MIIP: variants seen among roughly 807,000 people sequenced by gnomAD.
The protein encoded by MIIP is migration and invasion inhibitory protein.
A neutral mutation model predicts 44.8 loss-of-function variants in MIIP; 44 were observed. That is an observed-to-expected ratio of 0.98 (90% CI 0.77 to 1.26). The LOEUF (loss-of-function observed/expected upper bound fraction) is 1.26. Ranked by LOEUF, MIIP falls within the 50% of genes most tolerant of loss-of-function variation. The pLI is 0.00. For synonymous variants in MIIP, 225 were observed against 218.3 expected, an observed-to-expected ratio of 1.03 and a Z score of -0.27; for missense variants, 496 against 511.7, an observed-to-expected ratio of 0.97 and a Z score of 0.30.
In MIIP at chr1:12,029,160, G is replaced by A. The variant is rs368155332; in HGVS notation, c.656+19G>A. 32 of 1,613,534 alleles carry A rather than the reference G, an allele frequency of 2.0e-5. No homozygotes were observed. The highest frequency in any genetic ancestry group is 1.7e-4 in the African/African-American group (13 of 74,940). On this transcript the variant is annotated intron_variant, in intron 5 of 9. Transcript: ENST00000235332. ...ATCCTGAGTGAGCAGGGGCGGGCGA[G>A]GGTGGGCGAGGGCGGCTGAGCGGCT...
chr1:12,026,719 C>A (rs774687539), intron 4 of MIIP, among the ~76,000 whole-genome samples: 6 of 152,226 alleles, frequency 3.9e-5, no homozygotes, highest in Non-Finnish European at 5.9e-5. Flanking sequence ...GTTCCTCCCG[C>A]TGACTCCTTT....
In MIIP at chr1:12,020,410, G is replaced by A. The variant is rs559095057; in HGVS notation, c.-83+858G>A. Among the ~76,000 whole-genome samples the A allele has an allele frequency of 2.6e-5, 4 of 152,308 alleles. No homozygotes were observed. In the East Asian group the frequency reaches 7.7e-4, roughly 29 times the overall value. Reference sequence around the variant, plus strand: ...CAAGAAAAAAAGGAAGCATGCCCTTGCCCCAGCCATTTTGGTAATAATAGA... The same window carrying A: ...CAAGAAAAAAAGGAAGCATGCCCTTACCCCAGCCATTTTGGTAATAATAGA... On this transcript the variant is annotated intron_variant, in intron 1 of 9. Transcript: ENST00000235332.
intron 6 of MIIP, 51 bp from the exon 7 acceptor site, chr1:12,029,714 G>A: frequency 6.3e-7 from 1 of 1,586,646 alleles, no homozygotes; most frequent in Non-Finnish European, 8.6e-7. Flanking sequence ...GGAGCCTGGG[G>A]ACCTGGGTTC....
At chr1:12,023,103 C>T (rs1195479070) in intron 4 of MIIP, among the ~76,000 whole-genome samples, 186 bp downstream of exon 4, 1 of 148,514 alleles carries the variant, frequency 6.7e-6, no homozygotes, top group East Asian at 2.0e-4. Flanking sequence ...TCACTCTGTC[C>T]CCCAGGCTGG....
chr1:12,030,000 AG>A, intron 7 of MIIP, 27 bp from the exon 8 acceptor site: 2 of 1,611,806 alleles, frequency 1.2e-6, no homozygotes, highest in Non-Finnish European at 1.7e-6. Context: ...GAGGCTCCTC[AG>A]GGGTCCCCCA....
chr1:12,028,608 C>A (rs983019243), intron 4 of MIIP: 2 of 172,870 alleles, frequency 1.2e-5, no homozygotes, highest in African/African-American at 4.8e-5. Context: ...GGCTGCCCGG[C>A]CATACTAGGC....
chr1:12,025,639 C>G (rs544783261), intron 4 of MIIP, among the ~76,000 whole-genome samples: 1 of 152,172 alleles, frequency 6.6e-6, no homozygotes, highest in Non-Finnish European at 1.5e-5. Flanking sequence ...TCTAGACTTA[C>G]GAGGCATGAT....
chr1:12,029,075 CCTT>C lies in MIIP; in HGVS notation c.596_598del (p.Phe199del), dbSNP rs754274538. ...TCTTCCATCACCAGCCAGCCTGAGG[CCTT>C]CTTCTCCAAGCTGCAGGAGTTTCGG... On this transcript the variant is annotated inframe_deletion, in exon 5 of 10. Transcript: ENST00000235332. 198 of 1,614,172 alleles carry C rather than the reference CCTT, an allele frequency of 1.2e-4. 1 individual carries two copies. Among genetic ancestry groups the C allele is most frequent in the South Asian group, 6.0e-4 (55 of 91,090 alleles).
chr1:12,029,276 A>G lies in MIIP; in HGVS notation c.710A>G (p.His237Arg), dbSNP rs559653388. 6.2e-7 allele frequency: 1 copy of G among 1,613,276 alleles called. No homozygotes were observed. Among genetic ancestry groups the G allele is most frequent in the Non-Finnish European group, 8.5e-7 (1 of 1,179,782 alleles). The change falls in exon 6 of 10, where the codon CAT (histidine) becomes CGT (arginine). Residue 237 changes from histidine (H) to arginine (R), a missense_variant. His to Arg is a conservative substitution (Grantham distance 29, BLOSUM62 0). Transcript: ENST00000235332. ...AGTGGCAGCGGCGTGGAGGAAGACC[A>G]TGAATGTGAGTGCGGGCCCTCGGCT... is the stretch of plus-strand genomic sequence containing the variant. ...ESSGSGVEED[H>R]ECVYCYRVNR... is the part of the protein sequence containing the mutation.
chr1:12,020,413 C>T (rs1046210439), intron 1 of MIIP, among the ~76,000 whole-genome samples: 2 of 152,138 alleles, frequency 1.3e-5, no homozygotes, highest in African/African-American at 4.8e-5. Context: ...TGCCCTTGCC[C>T]CAGCCATTTT....
intron 3 of MIIP, 31 bp downstream of exon 3, chr1:12,022,473 GGGAGGAGCT>G: frequency 6.8e-7 from 1 of 1,462,582 alleles, no homozygotes; most frequent in Non-Finnish European, 9.1e-7. Flanking sequence ...ATCTGCTGAT[GGGAGGAGCT>G]TCCTTGGGCC....
chr1:12,022,295 C>T lies in MIIP; in HGVS notation c.315C>T (p.Ser105=). ...LPPAKCQHQE[S]LGRPRPHSAP... ...CTGCCAAATGCCAGCACCAGGAGTC[C>T]CTGGGCCGACCGAGACCCCACTCAG... Residue 105 remains serine (S), a synonymous_variant, in exon 3 of 10, where the codon TCC becomes TCT. Coordinates refer to ENST00000235332, the MANE Select transcript of MIIP (RefSeq NM_021933.4). 2 of 1,613,858 alleles carry T rather than the reference C, an allele frequency of 1.2e-6. No individual in the cohort carries two copies. The highest frequency in any genetic ancestry group is 8.5e-7 in the Non-Finnish European group (1 of 1,180,006).
chr1:12,025,028 C>CTTTTTTTTTTTTTTTTTTTT (rs147513513), intron 4 of MIIP, among the ~76,000 whole-genome samples: 66 of 123,840 alleles, frequency 5.3e-4, no homozygotes, highest in Non-Finnish European at 6.2e-4. Context: ...AATTCCCTTC[C>CTTTTTTTTTTTTTTTTTTTT]TTTTTTTTTT....
At chr1:12,028,719 G>T in intron 4 of MIIP, 2 of 353,578 alleles carry the variant, frequency 5.7e-6, no homozygotes, top group Non-Finnish European at 5.4e-6. Context: ...CCACCTTACA[G>T]TGTAAGCCTC....
In MIIP at chr1:12,029,141, A is replaced by T. The variant is rs1447048927; in HGVS notation, c.656A>T (p.Glu219Val). 2 of 1,606,430 alleles carry T rather than the reference A, an allele frequency of 1.2e-6. No homozygotes were observed. Among genetic ancestry groups the T allele is most frequent in the Non-Finnish European group, 1.7e-6 (2 of 1,173,210 alleles). ...NKEECICSHPEPQLPGLRESS... is the reference protein window; with the variant it reads ...NKEECICSHPVPQLPGLRESS... ...GAGGAGTGTATCTGCAGCCATCCTGAGTGAGCAGGGGCGGGCGAGGGTGGG... is the reference window on the plus strand; with the variant it reads ...GAGGAGTGTATCTGCAGCCATCCTGTGTGAGCAGGGGCGGGCGAGGGTGGG... Residue 219 changes from glutamate to valine, a missense_variant and splice_region_variant, in exon 5 of 10, where the codon GAA becomes GTA. Physicochemically the swap from Glu to Val is moderately radical, Grantham distance 121. Transcript: ENST00000235332.
intron 1 of MIIP, among the ~76,000 whole-genome samples, chr1:12,020,117 C>G (rs1557547119): frequency 1.3e-5 from 2 of 152,178 alleles, no homozygotes; most frequent in Admixed American, 1.3e-4. Flanking sequence ...CCCACACTTC[C>G]AGGGAAAGGC....
intron 4 of MIIP, 33 bp downstream of exon 4, chr1:12,022,950 C>A (rs747855366): frequency 3.9e-6 from 6 of 1,553,346 alleles, no homozygotes; most frequent in Non-Finnish European, 5.3e-6. Flanking sequence ...ACACACTTTG[C>A]CTGGGAGTGG....
At chr1:12,025,939 C>T (rs932696263) in intron 4 of MIIP, among the ~76,000 whole-genome samples, 8 of 151,452 alleles carry the variant, frequency 5.3e-5, no homozygotes, top group Non-Finnish European at 8.8e-5. Flanking sequence ...CTCAGGTGAT[C>T]TGCCCGCCTT....
chr1:12,028,828 G>A, intron 4 of MIIP: 1 of 583,364 alleles, frequency 1.7e-6, no homozygotes, highest in South Asian at 2.0e-5. Flanking sequence ...TGGATGGTTG[G>A]CTATGCATCA....
Sources: allele counts gnomAD v4.1 joint callset (sites outside exome capture counted in the v4.1 genomes callset), GRCh38; gene constraint gnomAD v4.1.1; transcripts MANE v1.5; gene names NCBI Gene and HGNC (gene_info 2026-07-23, HGNC 2026-07-21).